RNASEH2B: variants seen among roughly 807,000 people sequenced by gnomAD.
The protein encoded by RNASEH2B is ribonuclease H2 subunit B.
RNASEH2B carries 36 observed loss-of-function variants against 45.0 expected under a neutral mutation model. The observed-to-expected ratio is 0.80, with a 90% CI of 0.61 to 1.06. RNASEH2B has a LOEUF of 1.06. Ranked by LOEUF, RNASEH2B falls within the 50% of genes least tolerant of loss-of-function variation. The pLI, the probability that RNASEH2B is intolerant of heterozygous loss-of-function variation, is 0.00. For synonymous variants in RNASEH2B, 119 were observed against 125.7 expected, an observed-to-expected ratio of 0.95 and a Z score of 0.35; for missense variants, 361 against 360.3, an observed-to-expected ratio of 1.00 and a Z score of -0.02.
At chr13:50,951,514 C>T (rs1317852413) in intron 9 of RNASEH2B, 1 of 152,102 alleles carries the variant, frequency 6.6e-6, no homozygotes, top group Admixed American at 6.6e-5. Flanking sequence ...CAATTTGTCA[C>T]TGTCAGCAAG....
At chr13:50,924,816 G>A (rs889444481) in intron 1 of RNASEH2B, among the ~76,000 whole-genome samples, 1 of 152,136 alleles carries the variant, frequency 6.6e-6, no homozygotes, top group African/African-American at 2.4e-5. Context: ...CCAAAGTGCT[G>A]GAGTACAGGC....
At chr13:50,959,337 A>G (rs1371089949), downstream of RNASEH2B, 2 of 152,180 alleles carry the variant, frequency 1.3e-5, no homozygotes, top group African/African-American at 2.4e-5. Flanking sequence ...GTAGACATAT[A>G]TACATAAACT....
At chr13:50,944,684 G>T (rs1336886640) in intron 6 of RNASEH2B, among the ~76,000 whole-genome samples, 1 of 152,008 alleles carries the variant, frequency 6.6e-6, no homozygotes, top group Non-Finnish European at 1.5e-5. Context: ...ATGTTACCAG[G>T]CTCATTGAAA....
downstream of RNASEH2B, chr13:50,956,899 A>ATTTT: frequency 6.7e-6 from 2 of 298,856 alleles, no homozygotes; most frequent in Non-Finnish European, 4.9e-6. Context: ...GTTTTTGGTA[A>ATTTT]ATTTTTTTTT....
intron 5 of RNASEH2B, 27 bp downstream of exon 5, chr13:50,935,026 C>A: frequency 6.9e-7 from 1 of 1,454,936 alleles, no homozygotes; most frequent in Non-Finnish European, 9.7e-7. Flanking sequence ...AGGCTTATGG[C>A]TGGTAGAAAG....
intron 3 of RNASEH2B, chr13:50,930,096 G>T: frequency 4.6e-6 from 1 of 216,040 alleles, no homozygotes. Flanking sequence ...CCTTAATTTG[G>T]GGGCAGTGCT....
At chr13:50,926,719 A>C (rs116612818) in intron 1 of RNASEH2B, among the ~76,000 whole-genome samples, 1,530 of 152,278 alleles carry the variant, frequency 0.01, 25 homozygotes, top group African/African-American at 0.034. Context: ...ACCATAATGA[A>C]AAAGATCAAT....
intron 9 of RNASEH2B, chr13:50,952,117 A>G (rs1951983769): frequency 6.6e-6 from 1 of 152,172 alleles, no homozygotes; most frequent in Non-Finnish European, 1.5e-5. Flanking sequence ...GATGATCGCA[A>G]CTATGAATAG....
At chr13:50,923,927 A>C (rs182632273) in intron 1 of RNASEH2B, among the ~76,000 whole-genome samples, 1 of 152,306 alleles carries the variant, frequency 6.6e-6, no homozygotes, top group East Asian at 1.9e-4. Context: ...TGTGCAGAAA[A>C]CTTACTACTC....
chr13:50,948,290 A>G (rs1388562215), intron 8 of RNASEH2B: 2 of 635,356 alleles, frequency 3.1e-6, no homozygotes, highest in Non-Finnish European at 2.5e-6. Flanking sequence ...CAAGATTGGA[A>G]TTATGGCTTG....
intron 1 of RNASEH2B, chr13:50,915,334 T>A (rs1010263864): frequency 1.0e-5 from 4 of 398,250 alleles, no homozygotes; most frequent in Non-Finnish European, 1.3e-5. Context: ...AGCTTCTCCG[T>A]CTTGACTTTG....
At chr13:50,939,910 G>A (rs958646559) in intron 5 of RNASEH2B, among the ~76,000 whole-genome samples, 3 of 152,132 alleles carry the variant, frequency 2.0e-5, no homozygotes, top group Non-Finnish European at 4.4e-5. Context: ...ATTATAAATT[G>A]TATTTTATCA....
At chr13:50,968,365 A>T (rs1032135957) in intron 9 of RNASEH2B, among the ~76,000 whole-genome samples, 1 of 152,170 alleles carries the variant, frequency 6.6e-6, no homozygotes, top group African/African-American at 2.4e-5. Flanking sequence ...ATAACACTCC[A>T]CTTCAGCTTG....
Position 50,945,496 on chromosome 13 carries a change from T to C in RNASEH2B, c.580T>C (p.Phe194Leu), listed in dbSNP as rs1183556285. ...NVSSRVQSTA[F>L]FSGDQASTDK... Reference sequence around the variant, plus strand: ...CAGTTCCCGGGTACAGTCAACTGCATTTTTCTCTGGTGACCAAGCTTCCAC... The same window carrying C: ...CAGTTCCCGGGTACAGTCAACTGCACTTTTCTCTGGTGACCAAGCTTCCAC... The change falls in exon 7 of 11, where the codon TTT becomes CTT. Residue 194 changes from phenylalanine (F) to leucine (L), a missense_variant. Coordinates refer to ENST00000336617, the MANE Select transcript of RNASEH2B (RefSeq NM_024570.4). 7 of 1,613,438 alleles carry C rather than the reference T, an allele frequency of 4.3e-6. No individual in the cohort carries two copies. Among genetic ancestry groups the C allele is most frequent in the Non-Finnish European group, 5.9e-6 (7 of 1,179,410 alleles).
chr13:50,925,535 T>A (rs745934057), intron 1 of RNASEH2B, among the ~76,000 whole-genome samples: 4 of 152,214 alleles, frequency 2.6e-5, no homozygotes, highest in Non-Finnish European at 5.9e-5. Context: ...ATTAGTTTGG[T>A]AGGACCAGTC....
intron 9 of RNASEH2B, among the ~76,000 whole-genome samples, chr13:50,964,759 C>T (rs920777082): frequency 1.3e-5 from 2 of 152,176 alleles, no homozygotes; most frequent in Non-Finnish European, 2.9e-5. Context: ...AGTGCCTAAG[C>T]TGTTTTCTGG....
At chr13:50,957,144 T>C (rs529189376), downstream of RNASEH2B, among the ~76,000 whole-genome samples, 1 of 152,114 alleles carries the variant, frequency 6.6e-6, no homozygotes, top group South Asian at 2.1e-4. Flanking sequence ...GCAGGTTTGT[T>C]ACAGAAGGAT....
intron 6 of RNASEH2B, 152 bp from the exon 7 acceptor site, chr13:50,945,275 T>C: frequency 1.6e-6 from 1 of 635,726 alleles, no homozygotes; most frequent in East Asian, 3.0e-5. Flanking sequence ...GGGCAACCAT[T>C]TCTCATCTTC....
chr13:50,918,301 C>G (rs999165960), intron 1 of RNASEH2B, among the ~76,000 whole-genome samples: 1 of 152,112 alleles, frequency 6.6e-6, no homozygotes, highest in African/African-American at 2.4e-5. Context: ...CCATGCCCAG[C>G]TAATTTTTTG....
Sources: gnomAD v4.1 joint callset for allele counts (sites outside exome capture counted in the v4.1 genomes callset) on GRCh38, gnomAD v4.1.1 for gene constraint, MANE v1.5 for transcripts, NCBI Gene and HGNC (gene_info 2026-07-23, HGNC 2026-07-21) for gene names.